FBN2: variants seen among roughly 807,000 people sequenced by gnomAD.
FBN2 encodes fibrillin-2.
FBN2 carries 105 observed loss-of-function variants against 355.6 expected under a neutral mutation model. The observed-to-expected ratio is 0.30, with a 90% CI of 0.25 to 0.35. The LOEUF is 0.35. FBN2 is among the 10% of genes least tolerant of loss of function. FBN2 has a pLI of 1.00. For synonymous variants in FBN2, 1,350 were observed against 1,301.2 expected (o/e 1.04, Z -0.81); for missense variants, 3,280 against 3,758.7 (o/e 0.87, Z 3.33).
At chr5:128,429,114 C>T (rs528346264) in intron 7 of FBN2, among the ~76,000 whole-genome samples, 34 of 152,300 alleles carry the variant, frequency 2.2e-4, no homozygotes, top group Middle Eastern at 3.4e-3. Context: ...ACTCTGGAAA[C>T]GCAGAACAGC....
intron 6 of FBN2, among the ~76,000 whole-genome samples, chr5:128,448,339 T>C (rs903127031): frequency 8.6e-5 from 13 of 152,022 alleles, no homozygotes; most frequent in Non-Finnish European, 1.9e-4. Context: ...AGTTTTGCTC[T>C]TGTTGCCCAG....
chr5:128,269,602 T>A (rs1189866577), intron 62 of FBN2, among the ~76,000 whole-genome samples: 1 of 151,536 alleles, frequency 6.6e-6, no homozygotes, highest in Non-Finnish European at 1.5e-5. Flanking sequence ...AAGCAGAGAG[T>A]CAAACAATGA....
chr5:128,291,658 C>A lies in FBN2; in HGVS notation c.6167-4G>T, dbSNP rs370981323. On this transcript the variant is annotated splice_polypyrimidine_tract_variant and splice_region_variant and intron_variant, in intron 48 of 64. Coordinates refer to ENST00000262464, the MANE Select transcript of FBN2 (RefSeq NM_001999.4). ...TCTTCATCACATTCATTTATATCTGCAGAACAGGGGGAGTATTTATTAGCC... is the reference window on the plus strand; with the variant it reads ...TCTTCATCACATTCATTTATATCTGAAGAACAGGGGGAGTATTTATTAGCC... 9.5e-5 allele frequency: 153 copies of A among 1,612,994 alleles called. No individual in the cohort carries two copies. Among genetic ancestry groups the A allele is most frequent in the Non-Finnish European group, 6.4e-5 (76 of 1,179,166 alleles).
chr5:128,290,279 T>C (rs1427058454), intron 50 of FBN2, among the ~76,000 whole-genome samples: 1 of 152,160 alleles, frequency 6.6e-6, no homozygotes, highest in Non-Finnish European at 1.5e-5. Context: ...TATCCTATAA[T>C]TTATGGGTGC....
At chr5:128,300,722 C>T in intron 48 of FBN2, 95 bp downstream of exon 48, 1 of 1,230,366 alleles carries the variant, frequency 8.1e-7, no homozygotes, top group Non-Finnish European at 1.2e-6. Context: ...GGTCAGCATG[C>T]TTGCAGTGGT....
At chr5:128,310,531 C>T (rs942746520) in intron 39 of FBN2, among the ~76,000 whole-genome samples, 7 of 151,450 alleles carry the variant, frequency 4.6e-5, no homozygotes, top group Admixed American at 4.6e-4. Context: ...TTGGGAAAGC[C>T]TTTGTCTTTG....
intron 62 of FBN2, 81 bp downstream of exon 62, chr5:128,271,918 C>G (rs141665489): frequency 2.9e-4 from 454 of 1,540,486 alleles, no homozygotes; most frequent in Non-Finnish European, 3.9e-4. Context: ...ACTGAAATCT[C>G]AACCCTCACA....
chr5:128,410,515 T>C (rs1753035048), intron 7 of FBN2, among the ~76,000 whole-genome samples: 2 of 152,342 alleles, frequency 1.3e-5, no homozygotes, highest in South Asian at 4.1e-4. Context: ...AAGGTGCTTA[T>C]GAAGCCCAGG....
Position 128,472,151 on chromosome 5 carries a change from T to C in FBN2, c.629-7230A>G, listed in dbSNP as rs118052237. 8.5e-5 allele frequency among the ~76,000 whole-genome samples: 13 copies of C among 152,272 alleles called. No individual in the cohort carries two copies. In the East Asian group the frequency reaches 2.5e-3, roughly 29 times the overall value. The stretch of plus-strand genomic sequence containing the variant: ...GATGAATAGATAACAAAATACGGTA[T>C]ATACATACCAAAAACTATTATTCAG... On this transcript the variant is annotated intron_variant, in intron 5 of 64. Coordinates refer to ENST00000262464, the MANE Select transcript of FBN2 (RefSeq NM_001999.4).
At chr5:128,307,268 T>C in intron 41 of FBN2, 65 bp from the exon 42 acceptor site, 1 of 914,974 alleles carries the variant, frequency 1.1e-6, no homozygotes, top group Non-Finnish European at 1.8e-6. Context: ...TAACATTTTG[T>C]ATTACTTTCA....
intron 19 of FBN2, among the ~76,000 whole-genome samples, chr5:128,361,220 G>C (rs988815173): frequency 1.3e-5 from 2 of 152,134 alleles, no homozygotes; most frequent in African/African-American, 4.8e-5. Flanking sequence ...CAAATGGAAA[G>C]GACAATTCTC....
chr5:128,265,412 A>C (rs185847640), intron 62 of FBN2, among the ~76,000 whole-genome samples: 282 of 152,302 alleles, frequency 1.9e-3, no homozygotes, highest in African/African-American at 6.3e-3. Context: ...AAGCACCATG[A>C]TATACCTCAT....
intron 51 of FBN2, 57 bp from the exon 52 acceptor site, chr5:128,289,309 G>A (rs1235847367): frequency 8.8e-6 from 14 of 1,585,004 alleles, no homozygotes; most frequent in African/African-American, 5.4e-5. Context: ...CCGGCCAGGC[G>A]CAGTGGCTCA....
At chr5:128,290,016 A>T (rs1749277215) in intron 50 of FBN2, 69 bp from the exon 51 acceptor site, 1 of 858,046 alleles carries the variant, frequency 1.2e-6, no homozygotes, top group Non-Finnish European at 2.0e-6. Flanking sequence ...AGAAAGGATG[A>T]ACAATATACA....
In FBN2 at chr5:128,258,312, A is replaced by G. The variant is rs552024393; in HGVS notation, c.*1143T>C. 6 of 152,730 alleles carry G rather than the reference A, an allele frequency of 3.9e-5. No homozygotes were observed. Among genetic ancestry groups the G allele is most frequent in the African/African-American group, 1.2e-4 (5 of 41,570 alleles). The allele number at this position is 152,730 out of a possible 1,614,324, so 9.5% of individuals were successfully genotyped here. A position where few individuals can be genotyped will look rare whatever the true frequency, so the allele number is the denominator to read the frequency against. On this transcript the variant is annotated 3_prime_UTR_variant, in exon 65 of 65. Transcript: ENST00000262464. Reference sequence around the variant, plus strand: ...TTCATTGTACAAACATCTTTCATACACAATAGGCTATGATAAAATGAGGCA... The same window carrying G: ...TTCATTGTACAAACATCTTTCATACGCAATAGGCTATGATAAAATGAGGCA...
intron 5 of FBN2, among the ~76,000 whole-genome samples, chr5:128,470,520 G>A (rs1754830653): frequency 1.3e-5 from 2 of 152,114 alleles, no homozygotes; most frequent in African/African-American, 4.8e-5. Flanking sequence ...AGAGATTAGG[G>A]TTCATCCAGG....
intron 34 of FBN2, chr5:128,328,434 A>C: frequency 3.3e-6 from 2 of 606,890 alleles, no homozygotes; most frequent in South Asian, 4.0e-5. Flanking sequence ...AAGAGAAAGA[A>C]GAGAAGAAAT....
intron 7 of FBN2, among the ~76,000 whole-genome samples, chr5:128,412,402 T>A (rs1753094078): frequency 6.6e-6 from 1 of 152,192 alleles, no homozygotes; most frequent in African/African-American, 2.4e-5. Flanking sequence ...GAAGAAAACT[T>A]TTTCCAGAAG....
chr5:128,524,273 C>T (rs1419214827), intron 4 of FBN2, among the ~76,000 whole-genome samples: 1 of 152,140 alleles, frequency 6.6e-6, no homozygotes, highest in East Asian at 1.9e-4. Flanking sequence ...TTCAATGTCA[C>T]CTTCTCAGAG....
Sources: allele counts gnomAD v4.1 joint callset (sites outside exome capture counted in the v4.1 genomes callset), GRCh38; gene constraint gnomAD v4.1.1; transcripts MANE v1.5; gene names NCBI Gene and HGNC (gene_info 2026-07-23, HGNC 2026-07-21).